Variants in KIF13B observed in about 807,000 individuals in gnomAD.
KIF13B encodes kinesin family member 13B.
KIF13B carries 127 observed loss-of-function variants against 222.0 expected under a neutral mutation model. The ratio of observed to expected loss-of-function variants is 0.57; its 90% CI spans 0.50 to 0.66. The LOEUF (loss-of-function observed/expected upper bound fraction) is 0.66. Ranked by LOEUF, KIF13B falls within the 30% of genes least tolerant of loss-of-function variation. The pLI, the probability that KIF13B is intolerant of heterozygous loss-of-function variation, is 0.00. For missense variants in KIF13B, 2,173 were observed against 2,379.0 expected (o/e 0.91, Z 1.80); for synonymous variants, 976 against 919.0 (o/e 1.06, Z -1.12).
intron 13 of KIF13B, among the ~76,000 whole-genome samples, chr8:29,160,288 G>C (rs2130107504): frequency 6.6e-6 from 1 of 152,176 alleles, no homozygotes; most frequent in South Asian, 2.1e-4. Context: ...TTTTTCCTAA[G>C]AGTTACTGGA....
Position 29,147,404 on chromosome 8 carries a change from C to T in KIF13B, c.2012G>A (p.Trp671Ter), listed in dbSNP as rs1015411999. ...SPSAQQRLRQ[W>*]AEEREATLNN... ...CTGTGCCGCCTACCTCTCCTCAGCC[C>T]ACTGTCTTAAGCGTTGCTGAGCGCT... The change falls in exon 17 of 40, where the codon TGG (tryptophan) becomes TAG (stop). Residue 671 changes from tryptophan (W) to a stop codon, truncating the protein, a stop_gained. Transcript: ENST00000524189. LOFTEE classifies it high-confidence loss of function. 2 of 1,605,058 alleles carry T rather than the reference C, an allele frequency of 1.2e-6. No individual in the cohort carries two copies. Among genetic ancestry groups the T allele is most frequent in the African/African-American group, 2.7e-5 (2 of 74,772 alleles).
At chr8:29,137,459 G>A (rs371820784) in intron 21 of KIF13B, among the ~76,000 whole-genome samples, 2 of 152,304 alleles carry the variant, frequency 1.3e-5, no homozygotes, top group South Asian at 2.1e-4. Context: ...CGGATGCTGC[G>A]CCCAGGTTTT....
chr8:29,115,245 A>T (rs2129652989), intron 31 of KIF13B, among the ~76,000 whole-genome samples: 1 of 152,270 alleles, frequency 6.6e-6, no homozygotes, highest in African/African-American at 2.4e-5. Context: ...ATGCCTCAAA[A>T]AAGGGAGATA....
At chr8:29,119,091 ATTTCATTT>A in intron 29 of KIF13B, 99 bp from the exon 30 acceptor site, 1 of 1,276,484 alleles carries the variant, frequency 7.8e-7, no homozygotes, top group Non-Finnish European at 1.1e-6. Context: ...TCTGCTTCAA[ATTTCATTT>A]GCTTTTTGCT....
chr8:29,161,722 A>C (rs955865041), intron 12 of KIF13B, among the ~76,000 whole-genome samples: 1 of 148,480 alleles, frequency 6.7e-6, no homozygotes, highest in African/African-American at 2.4e-5. Context: ...AAAAAACAAA[A>C]AACAAACAAA....
chr8:29,101,071 A>C (rs1253032697), intron 35 of KIF13B, among the ~76,000 whole-genome samples: 1 of 152,236 alleles, frequency 6.6e-6, no homozygotes, highest in Non-Finnish European at 1.5e-5. Flanking sequence ...CGAGAACGTA[A>C]GCTCTGAAAT....
chr8:29,199,574 C>CAAAAAAAAAAAAAAA (rs10579222), intron 2 of KIF13B, among the ~76,000 whole-genome samples: 1 of 119,456 alleles, frequency 8.4e-6, no homozygotes. Context: ...TTCCAAAATC[C>CAAAAAAAAAAAAAAA]AAAAAAAAAA....
chr8:29,163,129 G>C (rs1225668789), intron 12 of KIF13B, among the ~76,000 whole-genome samples: 1 of 152,138 alleles, frequency 6.6e-6, no homozygotes, highest in African/African-American at 2.4e-5. Flanking sequence ...GGGACAATGT[G>C]GTATAGCAGA....
rs1237253349 is a variant in KIF13B at position 29,160,547 on chromosome 8, T to TTTTTTTATA, written c.1404+177_1404+185dup. Among the ~76,000 whole-genome samples, 378 of 152,282 alleles carry TTTTTTTATA rather than the reference T, an allele frequency of 2.5e-3. 5 individuals are homozygous for TTTTTTTATA. The highest frequency in any genetic ancestry group is 8.7e-3 in the African/African-American group (360 of 41,552). On this transcript the variant is annotated intron_variant, in intron 13 of 39. Transcript: ENST00000524189. ...TGTTGGAAATAATATCAGAGTATCA[T>TTTTTTTATA]TTTTTTATATTGTCAGGTTGAATGG...
At chr8:29,148,524 C>T (rs1488393439) in intron 16 of KIF13B, 53 bp downstream of exon 16, 3 of 1,394,424 alleles carry the variant, frequency 2.2e-6, no homozygotes, top group Non-Finnish European at 2.9e-6. Flanking sequence ...ATCTCCCCAC[C>T]TCAGCCTCTA....
rs1809208521 is a variant in KIF13B, at chr8:29,108,582, T to C, written c.4162-390A>G. On this transcript the variant is annotated intron_variant, in intron 34 of 39. Transcript: ENST00000524189. ...CAACTGTAAATAAACTCACAAACTA[T>C]TTAAACTATCAGATCCCAAACACTG... Among the ~76,000 whole-genome samples the C allele has an allele frequency of 2.6e-5, 4 of 152,206 alleles. No individual in the cohort carries two copies. In the South Asian group the frequency reaches 8.3e-4, roughly 32 times the overall value.
intron 1 of KIF13B, among the ~76,000 whole-genome samples, chr8:29,255,072 T>C (rs1042851692): frequency 7.9e-5 from 12 of 152,230 alleles, no homozygotes; most frequent in Non-Finnish European, 1.5e-4. Context: ...ATGTATTAAA[T>C]GTCCAGAATA....
At chr8:29,142,811 C>T (rs1299740689) in intron 18 of KIF13B, among the ~76,000 whole-genome samples, 2 of 151,950 alleles carry the variant, frequency 1.3e-5, no homozygotes, top group African/African-American at 2.4e-5. Context: ...TGCACTCCAG[C>T]CTAGGTGACA....
At chr8:29,204,238 T>C (rs1483458597) in intron 2 of KIF13B, among the ~76,000 whole-genome samples, 2 of 152,244 alleles carry the variant, frequency 1.3e-5, no homozygotes, top group Non-Finnish European at 2.9e-5. Flanking sequence ...CATAGGACTT[T>C]AGAAATATGA....
At chr8:29,197,181 C>A (rs1487798624) in intron 2 of KIF13B, among the ~76,000 whole-genome samples, 1 of 150,712 alleles carries the variant, frequency 6.6e-6, no homozygotes, top group Non-Finnish European at 1.5e-5. Flanking sequence ...ACTAAAAATA[C>A]AAAAAATTAG....
chr8:29,192,375 C>T (rs184169690), intron 3 of KIF13B, among the ~76,000 whole-genome samples: 3 of 152,254 alleles, frequency 2.0e-5, no homozygotes, highest in East Asian at 1.9e-4. Flanking sequence ...CTTCAGCCCT[C>T]GCTTACTGCT....
At chr8:29,220,552 T>TAA (rs57295549) in intron 2 of KIF13B, among the ~76,000 whole-genome samples, 6 of 149,524 alleles carry the variant, frequency 4.0e-5, no homozygotes, top group African/African-American at 9.8e-5. Context: ...TTTCTTTATT[T>TAA]AAAAAAAAAA....
chr8:29,215,417 G>A (rs1451536905), intron 2 of KIF13B, among the ~76,000 whole-genome samples: 1 of 152,194 alleles, frequency 6.6e-6, no homozygotes, highest in Non-Finnish European at 1.5e-5. Context: ...ACCAGGTGTG[G>A]TGGCTCACAA....
chr8:29,094,312 T>G (rs1808425773), intron 36 of KIF13B, among the ~76,000 whole-genome samples: 1 of 152,250 alleles, frequency 6.6e-6, no homozygotes, highest in South Asian at 2.1e-4. Flanking sequence ...CAGAATCTGC[T>G]GTGCAAGAAC....
Sources: gnomAD v4.1 joint callset for allele counts (sites outside exome capture counted in the v4.1 genomes callset) on GRCh38, gnomAD v4.1.1 for gene constraint, MANE v1.5 for transcripts, NCBI Gene and HGNC (gene_info 2026-07-23, HGNC 2026-07-21) for gene names.